Variants in BCAS3 observed in about 807,000 individuals in gnomAD.
BCAS3 encodes the protein BCAS3 microtubule associated cell migration factor.
A neutral mutation model predicts 116.1 loss-of-function variants in BCAS3; 53 were observed. The observed-to-expected ratio is 0.46, with a 90% confidence interval of 0.37 to 0.57. The LOEUF (loss-of-function observed/expected upper bound fraction) is 0.57. BCAS3 is among the 20% of genes least tolerant of loss of function. The pLI, the probability that BCAS3 is intolerant of heterozygous loss-of-function variation, is 0.00. For synonymous variants in BCAS3, 391 were observed against 408.2 expected, an observed-to-expected ratio of 0.96 and a Z score of 0.51; for missense variants, 917 against 1,165.4, an observed-to-expected ratio of 0.79 and a Z score of 3.10.
At chr17:60,746,778 C>T (rs922842529) in intron 5 of BCAS3, among the ~76,000 whole-genome samples, 1 of 152,046 alleles carries the variant, frequency 6.6e-6, no homozygotes, top group African/African-American at 2.4e-5. Context: ...ATTTCACCTA[C>T]GTGTTCTTTG....
intron 22 of BCAS3, among the ~76,000 whole-genome samples, chr17:61,176,565 T>TATG (rs1568512774): frequency 2.8e-5 from 4 of 145,272 alleles, no homozygotes; most frequent in African/African-American, 1.0e-4. Flanking sequence ...ATTTATTTAT[T>TATG]TATGTATTTA....
Position 61,300,342 on chromosome 17 carries a change from C to G in BCAS3, c.2426-67985C>G, listed in dbSNP as rs2053327921. 6.6e-6 allele frequency among the ~76,000 whole-genome samples: 1 copy of G among 152,098 alleles called. No individual in the cohort carries two copies. Among genetic ancestry groups the G allele is most frequent in the Admixed American group, 6.5e-5 (1 of 15,270 alleles). Reference sequence around the variant, plus strand: ...CCATGCCCGCCCTCCTCCCCTTTAACTCCTCGCCTGCCCCTTCAACTTCAG... The same window carrying G: ...CCATGCCCGCCCTCCTCCCCTTTAAGTCCTCGCCTGCCCCTTCAACTTCAG... On this transcript the variant is annotated intron_variant, in intron 22 of 23. Coordinates refer to ENST00000407086, the MANE Select transcript of BCAS3 (RefSeq NM_017679.5). The surrounding 1 kb of genome is among the most constrained non-coding windows in gnomAD (Gnocchi z 5.1).
chr17:60,892,369 A>G (rs952691433), intron 10 of BCAS3, among the ~76,000 whole-genome samples: 2 of 150,142 alleles, frequency 1.3e-5, no homozygotes, highest in Admixed American at 6.6e-5. Context: ...CTAGAGTGCA[A>G]TGGCATGATC....
At chr17:61,069,834 T>TAAAAA (rs746344496) in intron 19 of BCAS3, 20 of 607,012 alleles carry the variant, frequency 3.3e-5, no homozygotes, top group African/African-American at 2.7e-4. Flanking sequence ...AGACCCTGTG[T>TAAAAA]AAAAAAAAAA....
At chr17:60,942,839 G>A (rs2145229554) in intron 13 of BCAS3, among the ~76,000 whole-genome samples, 1 of 152,174 alleles carries the variant, frequency 6.6e-6, no homozygotes, top group Middle Eastern at 3.4e-3. Flanking sequence ...ATGTGATTCT[G>A]CTTCTGGGAA....
intron 13 of BCAS3, among the ~76,000 whole-genome samples, chr17:60,934,480 CA>C (rs1247885316): frequency 2.6e-5 from 4 of 152,072 alleles, no homozygotes; most frequent in Admixed American, 2.0e-4. Flanking sequence ...TTTAATTTTG[CA>C]AAAGGTAAAG....
chr17:60,967,650 A>G lies in BCAS3; in HGVS notation c.1221+20298A>G, dbSNP rs2145333263. Among the ~76,000 whole-genome samples, 1 of 152,196 alleles carries G rather than the reference A, an allele frequency of 6.6e-6. No homozygotes were observed. Among genetic ancestry groups the G allele is most frequent in the Middle Eastern group, 3.4e-3 (1 of 294 alleles). Reference sequence around the variant, plus strand: ...ACCCTTTAGTCTTATCTCCCTCTTGAATACCAATAATTCTTAGATTTGGTC... The same window carrying G: ...ACCCTTTAGTCTTATCTCCCTCTTGGATACCAATAATTCTTAGATTTGGTC... On this transcript the variant is annotated intron_variant, in intron 14 of 23. Transcript: ENST00000407086. The surrounding 1 kb of genome is among the most constrained non-coding windows in gnomAD (Gnocchi z 4.7).
rs887542929 is a variant in BCAS3 at position 61,019,062 on chromosome 17, A to G, written c.1637+3161A>G. Among the ~76,000 whole-genome samples, 26 of 152,152 alleles carry G rather than the reference A, an allele frequency of 1.7e-4. No individual in the cohort carries two copies. The highest frequency in any genetic ancestry group is 6.3e-4 in the African/African-American group (26 of 41,428). On this transcript the variant is annotated intron_variant, in intron 16 of 23. Coordinates refer to ENST00000407086, the MANE Select transcript of BCAS3 (RefSeq NM_017679.5). The surrounding 1 kb of genome is among the most constrained non-coding windows in gnomAD (Gnocchi z 5.6). Reference sequence around the variant, plus strand: ...CTGTTGCTAGATGACAAGACTCAATATCTTTAAGCCAGAGGTCCCCAACCC... The same window carrying G: ...CTGTTGCTAGATGACAAGACTCAATGTCTTTAAGCCAGAGGTCCCCAACCC...
rs1029340562 is a variant in BCAS3 at position 61,233,753 on chromosome 17, ACT to A, written c.2426-134571_2426-134570del. ...CTCAATTCACCTTCCTAAGCACAGA[ACT>A]CTTTTTCTAATAAAATTTTATGCAG... On this transcript the variant is annotated intron_variant, in intron 22 of 23. Coordinates refer to ENST00000407086, the MANE Select transcript of BCAS3 (RefSeq NM_017679.5). The surrounding 1 kb of genome is among the most constrained non-coding windows in gnomAD (Gnocchi z 4.3). Among the ~76,000 whole-genome samples, 3 of 152,064 alleles carry A rather than the reference ACT, an allele frequency of 2.0e-5. No homozygotes were observed. Among genetic ancestry groups the A allele is most frequent in the Non-Finnish European group, 4.4e-5 (3 of 68,010 alleles).
intron 6 of BCAS3, among the ~76,000 whole-genome samples, chr17:60,798,343 C>T (rs1325273919): frequency 6.6e-6 from 1 of 152,130 alleles, no homozygotes; most frequent in Non-Finnish European, 1.5e-5. Flanking sequence ...CCTTAAATTC[C>T]TCTGTGCTCT....
intron 22 of BCAS3, among the ~76,000 whole-genome samples, chr17:61,197,868 C>T (rs1354385323): frequency 4.6e-5 from 7 of 152,210 alleles, no homozygotes; most frequent in Non-Finnish European, 1.5e-5. Context: ...ACAAATGTTT[C>T]TCAAGCATCA....
chr17:60,718,338 C>G (rs1042069426), intron 5 of BCAS3, among the ~76,000 whole-genome samples: 3 of 152,248 alleles, frequency 2.0e-5, no homozygotes, highest in Middle Eastern at 3.4e-3. Context: ...GTCTCACATC[C>G]ATCTTATTCA....
chr17:61,116,554 G>A (rs73324871), intron 22 of BCAS3, among the ~76,000 whole-genome samples: 15,284 of 152,154 alleles, frequency 0.1, 2,314 homozygotes, highest in African/African-American at 0.33. Flanking sequence ...AAAGCTTATA[G>A]TATTTAACCA....
In BCAS3 at chr17:61,286,938, T is replaced by C. The variant is rs2051856679; in HGVS notation, c.2426-81389T>C. On this transcript the variant is annotated intron_variant, in intron 22 of 23. Coordinates refer to ENST00000407086, the MANE Select transcript of BCAS3 (RefSeq NM_017679.5). The surrounding 1 kb of genome is among the most constrained non-coding windows in gnomAD (Gnocchi z 4.8). ...CAGAGATGCAACTAGAAAGATGCCA[T>C]GGTCTTTACACCTAAAGAGCTCTAT... Among the ~76,000 whole-genome samples, 1 of 152,142 alleles carries C rather than the reference T, an allele frequency of 6.6e-6. No individual in the cohort carries two copies. The highest frequency in any genetic ancestry group is 2.1e-4 in the South Asian group (1 of 4,830).
In BCAS3 at chr17:61,220,119, T is replaced by A. The variant is rs1279954186; in HGVS notation, c.2425+135555T>A. ...GACCAGCCTGGCCAATACAGTGAAA[T>A]CACGTCTCTACTAATAATACAAAAA... On this transcript the variant is annotated intron_variant, in intron 22 of 23. Transcript: ENST00000407086. The surrounding 1 kb of genome is among the most constrained non-coding windows in gnomAD (Gnocchi z 4.5). 3.3e-5 allele frequency among the ~76,000 whole-genome samples: 5 copies of A among 151,900 alleles called. No homozygotes were observed. The East Asian group carries it at 5.9e-4, about 18-fold the overall frequency.
In BCAS3 at chr17:61,083,618, C is replaced by T. The variant is rs1418945039; in HGVS notation, c.2328-849C>T. On this transcript the variant is annotated intron_variant, in intron 21 of 23. Coordinates refer to ENST00000407086, the MANE Select transcript of BCAS3 (RefSeq NM_017679.5). The surrounding 1 kb of genome is among the most constrained non-coding windows in gnomAD (Gnocchi z 4.9). ...TATTCTTTTTTTTTTTTTTTTGAGA[C>T]GGAGTCTTGCTCTGTCACCCAGGCT... Among the ~76,000 whole-genome samples, 27 of 143,344 alleles carry T rather than the reference C, an allele frequency of 1.9e-4. No homozygotes were observed. In the East Asian group the frequency reaches 4.7e-3, roughly 25 times the overall value. 94.0% of individuals were successfully genotyped at this position (143,344 alleles called of 152,430 possible). A position where few individuals can be genotyped will look rare whatever the true frequency, so the allele number is the denominator to read the frequency against.
rs1273734034 is a variant in BCAS3 at position 61,037,630 on chromosome 17, G to T, written c.1763-259G>T. ...CTACTAAAAATACAAAAATTAGCCG[G>T]GTGTGGTGACAGGAGCCTGTAATCC... On this transcript the variant is annotated intron_variant, in intron 17 of 23. Coordinates refer to ENST00000407086, the MANE Select transcript of BCAS3 (RefSeq NM_017679.5). This position sits in a 1 kb window ranked among gnomAD's most constrained non-coding sequence, Gnocchi z 4.7. Among the ~76,000 whole-genome samples, 1 of 152,070 alleles carries T rather than the reference G, an allele frequency of 6.6e-6. No individual in the cohort carries two copies. Among genetic ancestry groups the T allele is most frequent in the Non-Finnish European group, 1.5e-5 (1 of 68,014 alleles).
At chr17:61,154,419 A>G (rs1269649030) in intron 22 of BCAS3, among the ~76,000 whole-genome samples, 3 of 151,648 alleles carry the variant, frequency 2.0e-5, no homozygotes, top group African/African-American at 7.3e-5. Context: ...TTCCAGGACT[A>G]AATTGCCAGC....
rs1568214998 is a variant in BCAS3, at chr17:61,046,078, A to AT, written c.2029+5187dup. Among the ~76,000 whole-genome samples the AT allele has an allele frequency of 2.3e-4, 8 of 34,356 alleles. 1 individual carries two copies. The highest frequency in any genetic ancestry group is 2.0e-3 in the African/African-American group (8 of 3,940). The allele number at this position is 34,356 out of a possible 152,430, so 22.5% of individuals were successfully genotyped here. A position where few individuals can be genotyped will look rare whatever the true frequency, so the allele number is the denominator to read the frequency against. The stretch of plus-strand genomic sequence containing the variant: ...TATATTATATATATATAATATATAT[A>AT]TATTTATATATATATATAATATATA... On this transcript the variant is annotated intron_variant, in intron 19 of 23. Coordinates refer to ENST00000407086, the MANE Select transcript of BCAS3 (RefSeq NM_017679.5).
Sources: allele counts gnomAD v4.1 joint callset (sites outside exome capture counted in the v4.1 genomes callset), GRCh38; gene constraint gnomAD v4.1.1; non-coding constraint Gnocchi (gnomAD v3.1); transcripts MANE v1.5; gene names NCBI Gene and HGNC (gene_info 2026-07-23, HGNC 2026-07-21).